Variants in UGT1A8 observed in about 807,000 individuals in gnomAD.
The protein encoded by UGT1A8 is UDP glucuronosyltransferase family 1 member A8, also known as UDP-glucuronosyltransferase 1A8.
A neutral mutation model predicts 45.3 loss-of-function variants in UGT1A8; 39 were observed. That is an observed-to-expected ratio of 0.86 (90% CI 0.67 to 1.12). The LOEUF (loss-of-function observed/expected upper bound fraction) is 1.12. Among genes scored for constraint, UGT1A8 ranks in the 50% most tolerant of loss-of-function variants. The pLI is 0.00. For missense variants in UGT1A8, 719 were observed against 664.9 expected (o/e 1.08, Z -0.90); for synonymous variants, 275 against 249.2 (o/e 1.10, Z -0.97).
chr2:233,688,240 G>C lies in UGT1A8; in HGVS notation c.855+69678G>C, dbSNP rs546662065. ...CTTATCCATGTTGTAGCATGAATCA[G>C]TATTTCATTCCTTTACATGGCCGAA... On this transcript the variant is annotated intron_variant, in intron 1 of 4. Coordinates refer to ENST00000373450, the MANE Select transcript of UGT1A8 (RefSeq NM_019076.5). 9.8e-5 allele frequency among the ~76,000 whole-genome samples: 15 copies of C among 152,328 alleles called. No individual in the cohort carries two copies. In the South Asian group the frequency reaches 3.1e-3, roughly 32 times the overall value.
intron 1 of UGT1A8, chr2:233,691,549 G>C (rs1182014664): frequency 1.1e-5 from 11 of 985,572 alleles, no homozygotes; most frequent in South Asian, 4.7e-5. Flanking sequence ...GTCTGTTCTA[G>C]TAATTCAAGG....
chr2:233,664,660 C>T (rs1354258800), intron 1 of UGT1A8, among the ~76,000 whole-genome samples: 1 of 152,144 alleles, frequency 6.6e-6, no homozygotes, highest in Non-Finnish European at 1.5e-5. Context: ...TGTGAATACT[C>T]ACTGACTATT....
chr2:233,751,212 G>A (rs1434811842), intron 1 of UGT1A8, among the ~76,000 whole-genome samples: 1 of 151,972 alleles, frequency 6.6e-6, no homozygotes, highest in Non-Finnish European at 1.5e-5. Context: ...GGAGCTTTAA[G>A]ATTTAATGAC....
intron 1 of UGT1A8, among the ~76,000 whole-genome samples, chr2:233,632,482 C>CCATGAG (rs891684163): frequency 6.6e-6 from 1 of 152,128 alleles, no homozygotes; most frequent in African/African-American, 2.4e-5. Context: ...GAATGATTTT[C>CCATGAG]CATTTGTTTG....
chr2:233,687,101 G>A (rs6736508), intron 1 of UGT1A8, among the ~76,000 whole-genome samples: 59,808 of 152,056 alleles, frequency 0.39, 11,951 homozygotes, highest in South Asian at 0.45. Flanking sequence ...TGACACTTGC[G>A]TAAACTTGGG....
At chr2:233,736,661 C>T (rs568296788) in intron 1 of UGT1A8, among the ~76,000 whole-genome samples, 1 of 152,264 alleles carries the variant, frequency 6.6e-6, no homozygotes, top group Admixed American at 6.5e-5. Flanking sequence ...GTTTTATGTA[C>T]CTTAGGTCTT....
chr2:233,694,363 T>C (rs2075217598), intron 1 of UGT1A8, among the ~76,000 whole-genome samples: 1 of 151,732 alleles, frequency 6.6e-6, no homozygotes, highest in Admixed American at 6.6e-5. Context: ...CTAAGAATGG[T>C]TTTTGTAGTT....
chr2:233,656,585 G>A (rs2073858785), intron 1 of UGT1A8, among the ~76,000 whole-genome samples: 2 of 152,176 alleles, frequency 1.3e-5, no homozygotes, highest in South Asian at 4.1e-4. Flanking sequence ...GCCTGGCGTG[G>A]TTTGAGGTCT....
rs537677937 is a variant in UGT1A8, at chr2:233,740,168, A to T, written c.856-26866A>T. On this transcript the variant is annotated intron_variant, in intron 1 of 4. Transcript: ENST00000373450. ...CCTGAGGCCTCCCCAGTCATGTGGA[A>T]CTGTGAGTCAATTAAACCTCTTTCT... Among the ~76,000 whole-genome samples the T allele has an allele frequency of 6.6e-5, 10 of 151,934 alleles. No homozygotes were observed. In the East Asian group the frequency reaches 9.6e-4, roughly 15 times the overall value.
At chr2:233,755,161 C>T (rs1553619056) in intron 1 of UGT1A8, 1 of 1,292,236 alleles carries the variant, frequency 7.7e-7, no homozygotes, top group Non-Finnish European at 1.0e-6. Flanking sequence ...TCCCTGTCCT[C>T]GGGGTTTTTG....
intron 1 of UGT1A8, among the ~76,000 whole-genome samples, chr2:233,650,250 G>A (rs1368415528): frequency 8.5e-5 from 13 of 152,202 alleles, no homozygotes; most frequent in African/African-American, 3.1e-4. Flanking sequence ...GATTACAGGT[G>A]TGAGCCACCG....
intron 1 of UGT1A8, 44 bp from the exon 2 acceptor site, chr2:233,766,990 G>T: frequency 1.2e-6 from 2 of 1,613,182 alleles, no homozygotes; most frequent in Non-Finnish European, 8.5e-7. Context: ...AGTCATCAAA[G>T]AATATGAGAA....
At chr2:233,691,213 A>C in intron 1 of UGT1A8, 1 of 985,584 alleles carries the variant, frequency 1.0e-6, no homozygotes, top group Non-Finnish European at 1.2e-6. Context: ...TTCCCTTTGC[A>C]ACCTTCCTGG....
At chr2:233,764,343 C>T (rs1313396621) in intron 1 of UGT1A8, among the ~76,000 whole-genome samples, 1 of 152,116 alleles carries the variant, frequency 6.6e-6, no homozygotes. Context: ...TGGACTTCAC[C>T]TTTATTGAGC....
Position 233,769,613 on chromosome 2 carries a change from C to A in UGT1A8, c.1295+1174C>A. 6 of 1,612,708 alleles carry A rather than the reference C, an allele frequency of 3.7e-6. No individual in the cohort carries two copies. Among genetic ancestry groups the A allele is most frequent in the Non-Finnish European group, 5.1e-6 (6 of 1,179,824 alleles). Reference sequence around the variant, plus strand: ...GAGACGGAACACGGGGACACACCAGCTTGAGCAAGGGACAACAGGGGAGGA... The same window carrying A: ...GAGACGGAACACGGGGACACACCAGATTGAGCAAGGGACAACAGGGGAGGA... On this transcript the variant is annotated intron_variant, in intron 4 of 4. Transcript: ENST00000373450. The surrounding 1 kb of genome is among the most constrained non-coding windows in gnomAD (Gnocchi z 4.4).
chr2:233,718,130 TGG>T, intron 1 of UGT1A8: 1 of 281,258 alleles, frequency 3.6e-6, no homozygotes. Flanking sequence ...ATGGTGTAGA[TGG>T]AGAATCCTCA....
intron 1 of UGT1A8, among the ~76,000 whole-genome samples, chr2:233,694,575 T>C (rs1453621586): frequency 1.3e-5 from 2 of 152,230 alleles, no homozygotes; most frequent in Non-Finnish European, 2.9e-5. Context: ...AATTTCAATG[T>C]AAATATTTAC....
chr2:233,697,365 A>G (rs2075386775), intron 1 of UGT1A8, among the ~76,000 whole-genome samples: 3 of 152,098 alleles, frequency 2.0e-5, no homozygotes, highest in Non-Finnish European at 4.4e-5. Context: ...TTGTTGGCAT[A>G]TAGAGTTCAC....
chr2:233,675,200 G>A (rs12615708), intron 1 of UGT1A8, among the ~76,000 whole-genome samples: 12,364 of 152,120 alleles, frequency 0.081, 835 homozygotes, highest in East Asian at 0.18. Flanking sequence ...AGATGGCCCC[G>A]TCTTCAATGT....
Sources: gnomAD v4.1 joint callset for allele counts (sites outside exome capture counted in the v4.1 genomes callset) on GRCh38, gnomAD v4.1.1 for gene constraint, Gnocchi (gnomAD v3.1) non-coding constraint, MANE v1.5 for transcripts, NCBI Gene and HGNC (gene_info 2026-07-23, HGNC 2026-07-21) for gene names.